The following GALNTL6 variants were observed in gnomAD, a reference collection of about 807,000 sequenced individuals.
GALNTL6 encodes polypeptide N-acetylgalactosaminyltransferase-like 6.
Under a neutral mutation model 73.7 loss-of-function variants are expected in GALNTL6, and 46 were observed. The ratio of observed to expected loss-of-function variants is 0.62; its 90% CI spans 0.49 to 0.80. GALNTL6 has a LOEUF of 0.80. Among genes scored for constraint, GALNTL6 ranks in the 30% least tolerant of loss-of-function variants. The pLI is 0.00. For synonymous variants in GALNTL6, 259 were observed against 263.7 expected (o/e 0.98, Z 0.17); for missense variants, 604 against 755.0 (o/e 0.80, Z 2.34).
intron 2 of GALNTL6, among the ~76,000 whole-genome samples, chr4:171,980,048 C>T (rs1387886869): frequency 6.6e-6 from 1 of 151,754 alleles, no homozygotes; most frequent in African/African-American, 2.4e-5. Flanking sequence ...TAAACCAAGG[C>T]AAAAAAATTA....
At chr4:172,590,570 T>G (rs1737597008) in intron 5 of GALNTL6, among the ~76,000 whole-genome samples, 1 of 152,164 alleles carries the variant, frequency 6.6e-6, no homozygotes, top group Non-Finnish European at 1.5e-5. Flanking sequence ...AGACAAAGCT[T>G]TAGATGAACT....
chr4:172,179,103 C>G lies in GALNTL6; in HGVS notation c.139-50553C>G, dbSNP rs190145494. Reference sequence around the variant, plus strand: ...CAAGTCTTTGCTATTGTGAATTATGCTGCAATAAACATACGTGTGCATGTG... The same window carrying G: ...CAAGTCTTTGCTATTGTGAATTATGGTGCAATAAACATACGTGTGCATGTG... On this transcript the variant is annotated intron_variant, in intron 2 of 12. Coordinates refer to ENST00000506823, the MANE Select transcript of GALNTL6 (RefSeq NM_001034845.3). Among the ~76,000 whole-genome samples, 118 of 146,844 alleles carry G rather than the reference C, an allele frequency of 8.0e-4. 2 individuals are homozygous for G. The highest frequency in any genetic ancestry group is 4.0e-4 in the Non-Finnish European group (27 of 67,332).
chr4:172,694,571 A>G (rs1733566980), intron 5 of GALNTL6, among the ~76,000 whole-genome samples: 1 of 152,180 alleles, frequency 6.6e-6, no homozygotes, highest in Non-Finnish European at 1.5e-5. Flanking sequence ...ATTTCTGTAA[A>G]GGACTTCTCA....
At chr4:172,012,643 T>C (rs1172448659) in intron 2 of GALNTL6, among the ~76,000 whole-genome samples, 1 of 152,136 alleles carries the variant, frequency 6.6e-6, no homozygotes, top group Non-Finnish European at 1.5e-5. Flanking sequence ...CTGATGCTGC[T>C]CTTCTGGCAT....
intron 2 of GALNTL6, among the ~76,000 whole-genome samples, chr4:172,144,050 T>C (rs967052363): frequency 1.3e-5 from 2 of 152,202 alleles, no homozygotes; most frequent in African/African-American, 4.8e-5. Flanking sequence ...TATCTCTCTA[T>C]ACACATTGTT....
At position 172,067,991 on chromosome 4, in the gene GALNTL6, G is replaced by T. The variant is rs1330729231; in HGVS notation, c.139-161665G>T. Among the ~76,000 whole-genome samples, 5 of 109,228 alleles carry T rather than the reference G, an allele frequency of 4.6e-5. 1 individual carries two copies. Among genetic ancestry groups the T allele is most frequent in the African/African-American group, 1.7e-4 (5 of 28,932 alleles). The allele number at this position is 109,228 out of a possible 152,430, so 71.7% of individuals were successfully genotyped here. ...GGGGGTGTTAGTATGGTAATGCTGA[G>T]TTCACCAAAGTTTATCTCCAACTCT... On this transcript the variant is annotated intron_variant, in intron 2 of 12. Coordinates refer to ENST00000506823, the MANE Select transcript of GALNTL6 (RefSeq NM_001034845.3).
intron 3 of GALNTL6, among the ~76,000 whole-genome samples, chr4:172,230,574 C>A (rs1335792738): frequency 6.7e-6 from 1 of 148,968 alleles, no homozygotes; most frequent in Non-Finnish European, 1.5e-5. Flanking sequence ...AGTGAGACTC[C>A]GTTTCAAAAA....
At chr4:172,198,132 C>A (rs909708281) in intron 2 of GALNTL6, among the ~76,000 whole-genome samples, 1 of 151,672 alleles carries the variant, frequency 6.6e-6, no homozygotes, top group African/African-American at 2.4e-5. Flanking sequence ...AACAAAACCC[C>A]CAAAACTATA....
At chr4:172,138,488 TATATATATATATATATATATATA>T (rs1560938214) in intron 2 of GALNTL6, among the ~76,000 whole-genome samples, 6 of 6,006 alleles carry the variant, frequency 1.0e-3, no homozygotes, top group African/African-American at 1.6e-3. Flanking sequence ...TATATATATA[TATATATATATATATATATATATA>T]TATTTTTTTT....
At chr4:172,981,796 CTT>C (rs56273122) in intron 10 of GALNTL6, among the ~76,000 whole-genome samples, 11,722 of 101,390 alleles carry the variant, frequency 0.12, 509 homozygotes, top group Non-Finnish European at 0.15. Context: ...GTATGAACGT[CTT>C]TTTTTTTTTT....
chr4:172,375,224 C>A (rs1275826226), intron 5 of GALNTL6, among the ~76,000 whole-genome samples: 1 of 152,138 alleles, frequency 6.6e-6, no homozygotes, highest in African/African-American at 2.4e-5. Context: ...AAAGCTTGGA[C>A]ATAAGGCATT....
rs753051714 is a variant in GALNTL6, at chr4:172,609,625, C to CTCTCTCTGTGTGTGTG, written c.554-199735_554-199734insCTCTCTGTGTGTGTGT. Among the ~76,000 whole-genome samples, 14 of 92,776 alleles carry CTCTCTCTGTGTGTGTG rather than the reference C, an allele frequency of 1.5e-4. 1 individual carries two copies. Among genetic ancestry groups the CTCTCTCTGTGTGTGTG allele is most frequent in the East Asian group, 6.5e-4 (2 of 3,076 alleles). 60.9% of individuals were successfully genotyped at this position (92,776 alleles called of 152,430 possible). A position where few individuals can be genotyped will look rare whatever the true frequency, so the allele number is the denominator to read the frequency against. ...TTTCTCTCTCTCTCTCTCTCTCTCTCTGTGTGTGTGTGTGTGTGTGTGTGT... is the reference window on the plus strand; with the variant it reads ...TTTCTCTCTCTCTCTCTCTCTCTCTCTCTCTCTGTGTGTGTGTGTGTGTGTGTGTGTGTGTGTGTGT... On this transcript the variant is annotated intron_variant, in intron 5 of 12. Coordinates refer to ENST00000506823, the MANE Select transcript of GALNTL6 (RefSeq NM_001034845.3).
intron 5 of GALNTL6, among the ~76,000 whole-genome samples, chr4:172,560,782 A>G (rs926450374): frequency 6.6e-6 from 1 of 152,222 alleles, no homozygotes; most frequent in African/African-American, 2.4e-5. Context: ...TTAAATCTTT[A>G]TGGAAACAAA....
At chr4:172,813,745 G>A (rs374461190) in intron 7 of GALNTL6, 22 bp downstream of exon 7, 6 of 1,573,760 alleles carry the variant, frequency 3.8e-6, no homozygotes, top group East Asian at 2.3e-5. Flanking sequence ...CCAAGGGAGG[G>A]GCCGAGGGGG....
At chr4:172,601,672 T>G (rs1254360692) in intron 5 of GALNTL6, among the ~76,000 whole-genome samples, 2 of 152,170 alleles carry the variant, frequency 1.3e-5, no homozygotes. Flanking sequence ...ACATTTTTTC[T>G]TTATAAACTA....
chr4:171,986,889 C>A (rs549481325), intron 2 of GALNTL6, among the ~76,000 whole-genome samples: 3 of 152,242 alleles, frequency 2.0e-5, no homozygotes, highest in Admixed American at 2.0e-4. Flanking sequence ...TTAAGAGTGG[C>A]AGTTTGGGAA....
In GALNTL6 at chr4:171,853,109, C is replaced by G. The variant is rs561471926; in HGVS notation, c.138+38391C>G. Among the ~76,000 whole-genome samples, 206 of 150,710 alleles carry G rather than the reference C, an allele frequency of 1.4e-3. 1 individual carries two copies. Among genetic ancestry groups the G allele is most frequent in the African/African-American group, 4.8e-3 (198 of 41,028 alleles). Reference sequence around the variant, plus strand: ...TGATCTCCTGACCTCGTGATCCGCCCGCTTCAGCCTCCCAAAGTGCTGGGA... The same window carrying G: ...TGATCTCCTGACCTCGTGATCCGCCGGCTTCAGCCTCCCAAAGTGCTGGGA... On this transcript the variant is annotated intron_variant, in intron 2 of 12. Coordinates refer to ENST00000506823, the MANE Select transcript of GALNTL6 (RefSeq NM_001034845.3).
chr4:172,119,422 A>G (rs923744743), intron 2 of GALNTL6, among the ~76,000 whole-genome samples: 1 of 152,174 alleles, frequency 6.6e-6, no homozygotes, highest in South Asian at 2.1e-4. Flanking sequence ...TTTTCATGCA[A>G]TGCACTCTAG....
chr4:173,025,140 A>G (rs1013556191), intron 12 of GALNTL6, among the ~76,000 whole-genome samples: 21 of 152,176 alleles, frequency 1.4e-4, no homozygotes, highest in African/African-American at 5.1e-4. Flanking sequence ...CTTTGCCACC[A>G]CAAAAGGAGA....
Sources: gnomAD v4.1 joint callset for allele counts (sites outside exome capture counted in the v4.1 genomes callset) on GRCh38, gnomAD v4.1.1 for gene constraint, MANE v1.5 for transcripts, NCBI Gene and HGNC (gene_info 2026-07-23, HGNC 2026-07-21) for gene names.